The following MTA1 variants were observed in gnomAD, a reference collection of about 807,000 sequenced individuals.
MTA1 encodes the protein metastasis-associated protein MTA1.
In MTA1, 15 loss-of-function variants were observed where a neutral mutation model predicts 97.0. The ratio of observed to expected loss-of-function variants is 0.15; its 90% CI spans 0.10 to 0.24. The LOEUF is 0.24. MTA1 is among the 10% of genes least tolerant of loss of function. MTA1 has a pLI of 1.00. For missense variants in MTA1, 709 were observed against 1,015.1 expected, an observed-to-expected ratio of 0.70 and a Z score of 4.10; for synonymous variants, 435 against 417.5, an observed-to-expected ratio of 1.04 and a Z score of -0.51.
Position 105,449,419 on chromosome 14 carries a change from G to A in MTA1, c.241+10G>A, listed in dbSNP as rs373559138. Reference sequence around the variant, plus strand: ...GACAACGGCGAGGAAGGTAAGAGCCGGCCTCCGCAAGGAGGGCGTCCTCCT... The same window carrying A: ...GACAACGGCGAGGAAGGTAAGAGCCAGCCTCCGCAAGGAGGGCGTCCTCCT... On this transcript the variant is annotated intron_variant, in intron 4 of 20. Transcript: ENST00000331320. The A allele has an allele frequency of 1.9e-5, 31 of 1,610,312 alleles. No individual in the cohort carries two copies. Among genetic ancestry groups the A allele is most frequent in the African/African-American group, 4.0e-5 (3 of 74,878 alleles).
intron 2 of MTA1, among the ~76,000 whole-genome samples, chr14:105,439,930 G>T (rs994693531): frequency 2.6e-5 from 4 of 152,178 alleles, no homozygotes; most frequent in African/African-American, 9.7e-5. Context: ...GCAGCGGGGG[G>T]AAGGTTAGCG....
Position 105,460,909 on chromosome 14 carries a change from C to G in MTA1, c.898C>G (p.Leu300Val). 1 of 1,612,764 alleles carries G rather than the reference C, an allele frequency of 6.2e-7. No homozygotes were observed. The highest frequency in any genetic ancestry group is 2.2e-5 in the East Asian group (1 of 44,872). ...AGAGGCCAACCTTTTCGAGGAAGCC[C>G]TGGAAAAATATGGGAAGGATTTCAC... ...ASEANLFEEA[L>V]EKYGKDFTDI... The change falls in exon 10 of 21, where the codon CTG (leucine) becomes GTG (valine). Residue 300 changes from leucine to valine, a missense_variant. Leu to Val is a conservative substitution (Grantham distance 32, BLOSUM62 1). Around this residue, in one of 2 missense-constraint regions of MTA1, gnomAD observed 321 missense variants for 593.5 expected, o/e 0.54. Coordinates refer to ENST00000331320, the MANE Select transcript of MTA1 (RefSeq NM_004689.4).
At chr14:105,445,668 G>A (rs1164412830) in intron 3 of MTA1, 157 bp downstream of exon 3, 2 of 789,108 alleles carry the variant, frequency 2.5e-6, no homozygotes, top group African/African-American at 3.4e-5. Context: ...CTTCCACAGT[G>A]GGCGGGGGTG....
chr14:105,461,189 C>T (rs1259086719), intron 10 of MTA1, among the ~76,000 whole-genome samples: 3 of 152,204 alleles, frequency 2.0e-5, no homozygotes, highest in Non-Finnish European at 2.9e-5. Flanking sequence ...CATAGAGAGC[C>T]ATGCTCCTGC....
chr14:105,458,182 C>G (rs2083223666), intron 7 of MTA1, 88 bp from the exon 8 acceptor site: 1 of 1,139,308 alleles, frequency 8.8e-7, no homozygotes, highest in African/African-American at 1.5e-5. Flanking sequence ...CCTCCCCGTC[C>G]CAGCAGCTCC....
intron 10 of MTA1, among the ~76,000 whole-genome samples, chr14:105,461,935 C>T (rs2083363457): frequency 6.6e-6 from 1 of 152,232 alleles, no homozygotes; most frequent in Admixed American, 6.5e-5. Context: ...AGAACATGTT[C>T]AGACAAGAGG....
intron 1 of MTA1, among the ~76,000 whole-genome samples, chr14:105,431,333 G>A (rs1052439165): frequency 1.2e-4 from 18 of 152,136 alleles, no homozygotes; most frequent in African/African-American, 4.3e-4. Context: ...AAACTGCTGG[G>A]ATTTACAGGC....
intron 1 of MTA1, among the ~76,000 whole-genome samples, chr14:105,433,137 G>A (rs1460596156): frequency 6.6e-6 from 1 of 152,178 alleles, no homozygotes; most frequent in African/African-American, 2.4e-5. Flanking sequence ...AAAGGGAAGC[G>A]GCACAGGGGC....
intron 1 of MTA1, among the ~76,000 whole-genome samples, chr14:105,423,619 T>C (rs2081918871): frequency 6.6e-6 from 1 of 152,208 alleles, no homozygotes; most frequent in African/African-American, 2.4e-5. Flanking sequence ...AGAAAGCCCC[T>C]GCCCCTGCAG....
rs2083435938 is a variant in MTA1, at chr14:105,463,368, T to G, written c.1017+110T>G. 1 of 1,501,728 alleles carries G rather than the reference T, an allele frequency of 6.7e-7. No individual in the cohort carries two copies. Among genetic ancestry groups the G allele is most frequent in the African/African-American group, 1.4e-5 (1 of 72,706 alleles). The allele number at this position is 1,501,728 out of a possible 1,614,324, so 93.0% of individuals were successfully genotyped here. On this transcript the variant is annotated intron_variant, in intron 11 of 20. Transcript: ENST00000331320. The surrounding 1 kb of genome is among the most constrained non-coding windows in gnomAD (Gnocchi z 5.9). ...GCTGCAGCAGGAGGGGAAGGAAGAC[T>G]CCTGAGTCCCTGGCCCGGCTGTCCT...
chr14:105,435,635 G>C (rs1302832614), intron 1 of MTA1, among the ~76,000 whole-genome samples: 1 of 152,178 alleles, frequency 6.6e-6, no homozygotes, highest in Non-Finnish European at 1.5e-5. Flanking sequence ...GAGTTGTGTA[G>C]AATTGGTGTT....
At chr14:105,427,632 G>GGTACGGT (rs2082051072) in intron 1 of MTA1, among the ~76,000 whole-genome samples, 1 of 152,216 alleles carries the variant, frequency 6.6e-6, no homozygotes, top group African/African-American at 2.4e-5. Flanking sequence ...TAGGAACAGA[G>GGTACGGT]GTACGGTGTT....
intron 9 of MTA1, 64 bp downstream of exon 9, chr14:105,460,521 CCTT>C (rs1327702766): frequency 6.8e-7 from 1 of 1,467,976 alleles, no homozygotes; most frequent in African/African-American, 1.4e-5. Flanking sequence ...GTGGCTGCGC[CCTT>C]CTTCCTACCA....
intron 16 of MTA1, 165 bp downstream of exon 16, chr14:105,465,348 G>A (rs2083528119): frequency 2.0e-6 from 1 of 497,432 alleles, no homozygotes; most frequent in Non-Finnish European, 3.3e-6. Context: ...GCCAGGCTCA[G>A]GCAGACCCAC....
chr14:105,450,152 G>A lies in MTA1; in HGVS notation c.336G>A (p.Arg112=), dbSNP rs587670013. ...QLRHRELFLS[R]QLESLPATHI... ...GGCATCGGGAGCTGTTCCTCTCCCG[G>A]CAGCTGGAGTCTCTGCCCGCCACGC... Residue 112 remains arginine (R), a synonymous_variant, in exon 5 of 21, where the codon CGG becomes CGA. Coordinates refer to ENST00000331320, the MANE Select transcript of MTA1 (RefSeq NM_004689.4). 2 of 1,612,944 alleles carry A rather than the reference G, an allele frequency of 1.2e-6. No individual in the cohort carries two copies. Among genetic ancestry groups the A allele is most frequent in the African/African-American group, 1.3e-5 (1 of 74,890 alleles).
chr14:105,431,508 A>T (rs1310059801), intron 1 of MTA1, among the ~76,000 whole-genome samples: 5 of 152,262 alleles, frequency 3.3e-5, no homozygotes, highest in African/African-American at 1.2e-4. Context: ...GTGGCACAGA[A>T]AAGGGCTTGG....
At chr14:105,447,844 C>T (rs149756704) in intron 3 of MTA1, among the ~76,000 whole-genome samples, 16 of 152,166 alleles carry the variant, frequency 1.1e-4, no homozygotes, top group Non-Finnish European at 4.4e-5. Context: ...GTGTCAATCT[C>T]CGTTTCTCCT....
At position 105,463,421 on chromosome 14, in the gene MTA1, TCCAGCCTGTCTGCACTGCAGCC is replaced by T; in HGVS notation, c.1018-68_1018-47del. ...CCGTGGTGCTCTCCTCTCCGTAGCCTCCAGCCTGTCTGCACTGCAGCCCCAACCTGGGCCTAGCCTGCTGACC... is the reference window on the plus strand; with the variant it reads ...CCGTGGTGCTCTCCTCTCCGTAGCCTCCAACCTGGGCCTAGCCTGCTGACC... On this transcript the variant is annotated intron_variant, in intron 11 of 20. Transcript: ENST00000331320. The surrounding 1 kb of genome is among the most constrained non-coding windows in gnomAD (Gnocchi z 5.9). 4.5e-6 allele frequency: 7 copies of T among 1,561,854 alleles called. No individual in the cohort carries two copies. The highest frequency in any genetic ancestry group is 6.2e-6 in the Non-Finnish European group (7 of 1,134,332).
rs2083780423 is a variant in MTA1, at chr14:105,470,215, G to A, written c.2148G>A (p.Ter716=). ...VNDEPIVIED[*] Reference sequence around the variant, plus strand: ...ACGAGCCCATCGTCATCGAGGACTAGGGGCCGCCCCCACCTGCGGCCGCCC... The same window carrying A: ...ACGAGCCCATCGTCATCGAGGACTAAGGGCCGCCCCCACCTGCGGCCGCCC... The change falls in exon 21 of 21, where the codon TAG becomes TAA. Residue 716 remains the stop codon, a stop_retained_variant. Transcript: ENST00000331320. The A allele has an allele frequency of 1.3e-6, 2 of 1,576,490 alleles. No homozygotes were observed. The highest frequency in any genetic ancestry group is 1.8e-5 in the Admixed American group (1 of 55,280).
Sources: gnomAD v4.1 joint callset for allele counts (sites outside exome capture counted in the v4.1 genomes callset) on GRCh38, gnomAD v4.1.1 for gene constraint, gnomAD v4.1.1 regional missense constraint, Gnocchi (gnomAD v3.1) non-coding constraint, MANE v1.5 for transcripts, NCBI Gene and HGNC (gene_info 2026-07-23, HGNC 2026-07-21) for gene names.